The following EPHA6 variants were observed in gnomAD, a reference collection of about 807,000 sequenced individuals.
EPHA6 encodes the protein EPH receptor A6.
EPHA6 carries 50 observed loss-of-function variants against 112.0 expected under a neutral mutation model. That is an observed-to-expected ratio of 0.45 (90% CI 0.36 to 0.56). EPHA6 has a LOEUF of 0.56. Ranked by LOEUF, EPHA6 falls within the 20% of genes least tolerant of loss-of-function variation. The probability of loss-of-function intolerance (pLI) is 0.00; values close to 1 mark genes in which losing one functional copy is unlikely to be tolerated. For missense variants in EPHA6, 1,280 were observed against 1,417.4 expected (o/e 0.90, Z 1.56); for synonymous variants, 529 against 490.7 (o/e 1.08, Z -1.03).
chr3:96,909,312 G>T (rs1044223761), intron 2 of EPHA6, among the ~76,000 whole-genome samples: 1 of 151,870 alleles, frequency 6.6e-6, no homozygotes, highest in African/African-American at 2.4e-5. Context: ...TAGTCCAGTA[G>T]ATCTATAATC....
At chr3:97,130,497 C>T (rs566078121) in intron 3 of EPHA6, among the ~76,000 whole-genome samples, 2 of 152,164 alleles carry the variant, frequency 1.3e-5, no homozygotes, top group Admixed American at 6.5e-5. Flanking sequence ...TTCTAGTTGA[C>T]ACATTTTATG....
At chr3:97,238,789 C>T (rs769445165) in intron 4 of EPHA6, among the ~76,000 whole-genome samples, 47 of 151,610 alleles carry the variant, frequency 3.1e-4, no homozygotes, top group Non-Finnish European at 2.5e-4. Flanking sequence ...GAGCAAAAGG[C>T]GGTAAAGGCA....
Position 97,475,397 on chromosome 3 carries a change from C to T in EPHA6, c.1940C>T (p.Thr647Ile), listed in dbSNP as rs1290340705. 2.5e-6 allele frequency: 4 copies of T among 1,612,444 alleles called. No homozygotes were observed. Among genetic ancestry groups the T allele is most frequent in the Admixed American group, 1.7e-5 (1 of 59,750 alleles). Residue 647 changes from threonine to isoleucine, a missense_variant, in exon 8 of 18, where the codon ACC (threonine) becomes ATC (isoleucine). By Grantham distance (89) the Thr-to-Ile change is moderately conservative. This residue lies in a region of EPHA6 where 878 missense variants were observed against 999.7 expected (regional missense o/e 0.88). Transcript: ENST00000389672. ...CAAGGACAGATTCTCGTGATAGCCA[C>T]CGCCGCTGTTGGCGGATTCACTCTC... ...AEQGQILVIA[T>I]AAVGGFTLLV...
intron 13 of EPHA6, among the ~76,000 whole-genome samples, chr3:97,629,868 T>C (rs1057180905): frequency 2.0e-5 from 3 of 152,028 alleles, no homozygotes; most frequent in African/African-American, 7.2e-5. Context: ...ATCAAGATGA[T>C]GGCACTTTGT....
intron 5 of EPHA6, 135 bp downstream of exon 5, chr3:97,244,422 G>A: frequency 1.4e-6 from 1 of 690,340 alleles, no homozygotes; most frequent in South Asian, 2.0e-5. Flanking sequence ...TGCACTGGTT[G>A]TTGTTCTTGT....
At chr3:97,137,958 C>A (rs2075805541) in intron 3 of EPHA6, among the ~76,000 whole-genome samples, 1 of 151,758 alleles carries the variant, frequency 6.6e-6, no homozygotes, top group Non-Finnish European at 1.5e-5. Context: ...CAGAAAGGAA[C>A]CAAAATATCA....
rs530540875 is a variant in EPHA6, at chr3:97,055,015, G to C, written c.1114+67022G>C. Among the ~76,000 whole-genome samples, 5 of 151,952 alleles carry C rather than the reference G, an allele frequency of 3.3e-5. No homozygotes were observed. The East Asian group carries it at 9.7e-4, about 30-fold the overall frequency. ...GCTTAGCTGTGTAGACTCCTGATTCGTAGTAGTGGAATGGGAACTGGGCCA... is the reference window on the plus strand; with the variant it reads ...GCTTAGCTGTGTAGACTCCTGATTCCTAGTAGTGGAATGGGAACTGGGCCA... On this transcript the variant is annotated intron_variant, in intron 3 of 17. Coordinates refer to ENST00000389672, the MANE Select transcript of EPHA6 (RefSeq NM_001080448.3).
chr3:96,991,176 G>A (rs958389936), intron 3 of EPHA6, among the ~76,000 whole-genome samples: 10 of 152,036 alleles, frequency 6.6e-5, no homozygotes, highest in African/African-American at 1.7e-4. Context: ...ATATTTTTGA[G>A]CATTTACTAT....
chr3:96,956,236 C>G (rs551799784), intron 2 of EPHA6, among the ~76,000 whole-genome samples: 15 of 152,294 alleles, frequency 9.8e-5, no homozygotes, highest in Admixed American at 7.8e-4. Context: ...AAAATTCTCC[C>G]TTCATATTCT....
intron 10 of EPHA6, among the ~76,000 whole-genome samples, chr3:97,489,256 CA>C (rs1221147651): frequency 6.6e-6 from 1 of 152,222 alleles, no homozygotes; most frequent in Admixed American, 6.5e-5. Context: ...CAGAATTCAA[CA>C]GTCAATGCCT....
intron 1 of EPHA6, among the ~76,000 whole-genome samples, chr3:96,854,069 A>G (rs554817994): frequency 6.6e-6 from 1 of 151,308 alleles, no homozygotes; most frequent in Non-Finnish European, 1.5e-5. Context: ...TAAATTCCTC[A>G]CCTACTCATA....
intron 3 of EPHA6, among the ~76,000 whole-genome samples, chr3:97,174,161 G>A (rs1262007233): frequency 6.6e-6 from 1 of 150,828 alleles, no homozygotes; most frequent in Non-Finnish European, 1.5e-5. Flanking sequence ...TTGTCTTTAT[G>A]TACCTGGCTT....
intron 11 of EPHA6, among the ~76,000 whole-genome samples, chr3:97,532,930 C>T (rs777690814): frequency 6.6e-6 from 1 of 151,882 alleles, no homozygotes; most frequent in Non-Finnish European, 1.5e-5. Flanking sequence ...ATATAAAATG[C>T]TTTACCTGGA....
rs143834004 is a variant in EPHA6, at chr3:96,974,621, A to G, written c.451-12709A>G. ...CTTCTACAGAATAGAATATCTTGCA[A>G]ACTACATCTATTCTTATGTCCTGGA... On this transcript the variant is annotated intron_variant, in intron 2 of 17. Transcript: ENST00000389672. Among the ~76,000 whole-genome samples the G allele has an allele frequency of 5.5e-3, 837 of 152,262 alleles. 7 individuals are homozygous for G. Among genetic ancestry groups the G allele is most frequent in the African/African-American group, 0.02 (815 of 41,568 alleles).
At chr3:97,394,386 A>G (rs2086586597) in intron 5 of EPHA6, among the ~76,000 whole-genome samples, 1 of 151,884 alleles carries the variant, frequency 6.6e-6, no homozygotes, top group South Asian at 2.1e-4. Flanking sequence ...ATAACACTGC[A>G]AAATCCCAGG....
chr3:96,967,457 T>A (rs2042165730), intron 2 of EPHA6, among the ~76,000 whole-genome samples: 1 of 151,888 alleles, frequency 6.6e-6, no homozygotes, highest in Admixed American at 6.6e-5. Context: ...GTCATTTCAC[T>A]TTGCCACAAT....
chr3:97,227,585 C>A lies in EPHA6; in HGVS notation c.1270+1166C>A, dbSNP rs183313291. Reference sequence around the variant, plus strand: ...CCATCCTGCAGGCTGGGAAATATAGCCTCTGACCAAGACATGCACTTTGAG... The same window carrying A: ...CCATCCTGCAGGCTGGGAAATATAGACTCTGACCAAGACATGCACTTTGAG... On this transcript the variant is annotated intron_variant, in intron 4 of 17. Transcript: ENST00000389672. Among the ~76,000 whole-genome samples, 194 of 152,236 alleles carry A rather than the reference C, an allele frequency of 1.3e-3. 1 individual carries two copies. The highest frequency in any genetic ancestry group is 3.7e-3 in the African/African-American group (155 of 41,546).
chr3:97,438,269 A>C (rs768832468), intron 6 of EPHA6, among the ~76,000 whole-genome samples: 1 of 152,188 alleles, frequency 6.6e-6, no homozygotes, highest in Non-Finnish European at 1.5e-5. Context: ...TATGTATTAA[A>C]AGATATTTCA....
At chr3:97,027,875 TC>T (rs1230380870) in intron 3 of EPHA6, among the ~76,000 whole-genome samples, 1 of 152,186 alleles carries the variant, frequency 6.6e-6, no homozygotes, top group African/African-American at 2.4e-5. Flanking sequence ...TAGTTCTTAA[TC>T]AAGAATGATA....
Sources: gnomAD v4.1 joint callset for allele counts (sites outside exome capture counted in the v4.1 genomes callset) on GRCh38, gnomAD v4.1.1 for gene constraint, gnomAD v4.1.1 regional missense constraint, MANE v1.5 for transcripts, NCBI Gene and HGNC (gene_info 2026-07-23, HGNC 2026-07-21) for gene names.